ZNF521: variants seen among roughly 807,000 people sequenced by gnomAD.
ZNF521 encodes the protein zinc finger protein 521.
Under a neutral mutation model 105.5 loss-of-function variants are expected in ZNF521, and 14 were observed. That is an observed-to-expected ratio of 0.13 (90% confidence interval 0.09 to 0.21). The LOEUF is 0.21. Ranked by LOEUF, ZNF521 falls within the 10% of genes least tolerant of loss-of-function variation. The probability of loss-of-function intolerance (pLI) is 1.00; values close to 1 mark genes in which losing one functional copy is unlikely to be tolerated. For missense variants in ZNF521, 1,233 were observed against 1,629.7 expected (o/e 0.76, Z 4.19); for synonymous variants, 635 against 606.0 (o/e 1.05, Z -0.70).
chr18:25,161,813 A>G (rs2035256184), intron 5 of ZNF521, among the ~76,000 whole-genome samples: 1 of 152,174 alleles, frequency 6.6e-6, no homozygotes, highest in African/African-American at 2.4e-5. Context: ...TTTTCAGACT[A>G]ACAGGGCACT....
chr18:25,267,426 G>A (rs1037412561), intron 3 of ZNF521, among the ~76,000 whole-genome samples: 2 of 152,304 alleles, frequency 1.3e-5, no homozygotes, highest in South Asian at 2.1e-4. Flanking sequence ...TTCGAGCTCT[G>A]ATAAGGGTCA....
At chr18:25,308,193 C>CAAAAAA (rs756580169) in intron 3 of ZNF521, among the ~76,000 whole-genome samples, 2 of 31,100 alleles carry the variant, frequency 6.4e-5, no homozygotes, top group Non-Finnish European at 1.1e-4. Context: ...GACTGCATCT[C>CAAAAAA]AAAAAAAAAA....
At chr18:25,160,458 G>C (rs547861198) in intron 5 of ZNF521, among the ~76,000 whole-genome samples, 2 of 152,300 alleles carry the variant, frequency 1.3e-5, no homozygotes, top group East Asian at 3.9e-4. Context: ...GGTTGCAAGA[G>C]CTAAGACTCA....
chr18:25,263,399 C>T (rs985420203), intron 3 of ZNF521, among the ~76,000 whole-genome samples: 6 of 151,962 alleles, frequency 3.9e-5, no homozygotes, highest in Non-Finnish European at 5.9e-5. Context: ...CTCTTGTCGC[C>T]CAGGCTGGAG....
At chr18:25,103,169 T>C (rs1204104536) in intron 5 of ZNF521, among the ~76,000 whole-genome samples, 1 of 152,116 alleles carries the variant, frequency 6.6e-6, no homozygotes, top group African/African-American at 2.4e-5. Flanking sequence ...TCTCCCTAGA[T>C]GGTGCTCCTA....
intron 3 of ZNF521, among the ~76,000 whole-genome samples, chr18:25,254,844 T>C (rs931590805): frequency 6.6e-6 from 1 of 152,042 alleles, no homozygotes; most frequent in Non-Finnish European, 1.5e-5. Context: ...ACACAGACCC[T>C]TGGACTTCTA....
chr18:25,063,063 C>T (rs924730667), intron 7 of ZNF521, among the ~76,000 whole-genome samples: 2 of 152,172 alleles, frequency 1.3e-5, no homozygotes, highest in African/African-American at 4.8e-5. Flanking sequence ...TGGCACCTTG[C>T]CTTTTCTCCA....
chr18:25,071,835 C>T (rs1433588137), intron 7 of ZNF521, among the ~76,000 whole-genome samples: 2 of 152,130 alleles, frequency 1.3e-5, no homozygotes, highest in East Asian at 3.9e-4. Context: ...AGAGGAAGGG[C>T]CCTTCACCTT....
rs141434332 is a variant in ZNF521, at chr18:25,263,647, C to T, written c.221-35950G>A. The stretch of plus-strand genomic sequence containing the variant: ...CTGGAGCACAATGATGCAATCTTGG[C>T]TCACTGCAACTTCTGCCTTCCGGGT... On this transcript the variant is annotated intron_variant, in intron 3 of 7. Transcript: ENST00000361524. 2.7e-3 allele frequency among the ~76,000 whole-genome samples: 405 copies of T among 152,356 alleles called. 3 individuals carry two copies. The highest frequency in any genetic ancestry group is 9.3e-3 in the African/African-American group (386 of 41,584).
intron 7 of ZNF521, among the ~76,000 whole-genome samples, chr18:25,082,920 G>A (rs2033533990): frequency 6.7e-6 from 1 of 150,184 alleles, no homozygotes; most frequent in African/African-American, 2.4e-5. Flanking sequence ...ATGAAAAAGT[G>A]AGAAAACGGG....
chr18:25,249,147 CTTTTT>C (rs747508227), intron 3 of ZNF521, among the ~76,000 whole-genome samples: 1 of 144,070 alleles, frequency 6.9e-6, no homozygotes, highest in African/African-American at 2.5e-5. Flanking sequence ...TCTTTACTTT[CTTTTT>C]TTTTTTTTTG....
At chr18:25,346,018 T>C (rs879117027) in intron 2 of ZNF521, among the ~76,000 whole-genome samples, 1 of 152,220 alleles carries the variant, frequency 6.6e-6, no homozygotes, top group Non-Finnish European at 1.5e-5. Flanking sequence ...TATCTTTTCT[T>C]ATTTTTTAAA....
intron 5 of ZNF521, among the ~76,000 whole-genome samples, chr18:25,174,787 C>A (rs763189112): frequency 1.3e-5 from 2 of 152,186 alleles, no homozygotes; most frequent in Non-Finnish European, 2.9e-5. Flanking sequence ...AAATTTAAAT[C>A]CCCCAACCTT....
At chr18:25,253,496 T>G (rs2144857930) in intron 3 of ZNF521, among the ~76,000 whole-genome samples, 1 of 152,280 alleles carries the variant, frequency 6.6e-6, no homozygotes, top group South Asian at 2.1e-4. Flanking sequence ...TGTAGCAAAC[T>G]TGAATATATT....
chr18:25,195,108 T>A, intron 5 of ZNF521, 52 bp downstream of exon 5: 4 of 1,329,180 alleles, frequency 3.0e-6, no homozygotes, highest in Non-Finnish European at 4.3e-6. Flanking sequence ...AATGGTGATA[T>A]ACACAAGCAG....
At chr18:25,136,492 A>G (rs574755626) in intron 5 of ZNF521, among the ~76,000 whole-genome samples, 4 of 152,194 alleles carry the variant, frequency 2.6e-5, no homozygotes, top group Non-Finnish European at 5.9e-5. Context: ...AATTCTTTCT[A>G]TAGCCCTTTG....
intron 4 of ZNF521, among the ~76,000 whole-genome samples, chr18:25,205,592 C>T (rs982964840): frequency 4.6e-5 from 7 of 152,076 alleles, no homozygotes; most frequent in Admixed American, 4.6e-4. Flanking sequence ...GAAGGAGTAG[C>T]GACAGTATGT....
intron 3 of ZNF521, among the ~76,000 whole-genome samples, chr18:25,256,335 C>A (rs893722342): frequency 2.6e-5 from 4 of 151,882 alleles, no homozygotes; most frequent in African/African-American, 9.7e-5. Context: ...AGATTGGCTG[C>A]ACAAATGATG....
chr18:25,205,141 TAAAAAAAAAAA>T (rs34563599), intron 4 of ZNF521, among the ~76,000 whole-genome samples: 149 of 74,922 alleles, frequency 2.0e-3, no homozygotes, highest in African/African-American at 8.0e-3. Context: ...GTAGTGAAGG[TAAAAAAAAAAA>T]AAAAAAAAAA....
Sources: gnomAD v4.1 joint callset for allele counts (sites outside exome capture counted in the v4.1 genomes callset) on GRCh38, gnomAD v4.1.1 for gene constraint, MANE v1.5 for transcripts, NCBI Gene and HGNC (gene_info 2026-07-23, HGNC 2026-07-21) for gene names.